Variants in CANT1 observed in about 807,000 individuals in gnomAD.
The protein encoded by CANT1 is calcium activated nucleotidase 1, also known as soluble calcium-activated nucleotidase 1.
A neutral mutation model predicts 30.0 loss-of-function variants in CANT1; 26 were observed. The observed-to-expected ratio is 0.87, with a 90% CI of 0.64 to 1.20. CANT1 has a LOEUF of 1.20. CANT1 is among the 50% of genes most tolerant of loss of function. The pLI is 0.00. For missense variants in CANT1, 518 were observed against 563.0 expected (o/e 0.92, Z 0.81); for synonymous variants, 246 against 251.8 (o/e 0.98, Z 0.22).
Position 78,996,711 on chromosome 17 carries a change from G to A in CANT1, c.631+281C>T, listed in dbSNP as rs1394872474. 2.6e-5 allele frequency among the ~76,000 whole-genome samples: 4 copies of A among 152,276 alleles called. No individual in the cohort carries two copies. The highest frequency in any genetic ancestry group is 5.9e-5 in the Non-Finnish European group (4 of 68,016). On this transcript the variant is annotated intron_variant, in intron 3 of 4. Coordinates refer to ENST00000392446, the MANE Select transcript of CANT1 (RefSeq NM_001159773.2). This position sits in a 1 kb window ranked among gnomAD's most constrained non-coding sequence, Gnocchi z 5.1. ...TCCCAGAGGCTCCGAGAGCAGCAGC[G>A]GATACAGCCGAAAACATCTTGGAGA... is the stretch of plus-strand genomic sequence containing the variant.
chr17:78,996,026 C>T lies in CANT1; in HGVS notation c.632-805G>A, dbSNP rs79090600. On this transcript the variant is annotated intron_variant, in intron 3 of 4. Coordinates refer to ENST00000392446, the MANE Select transcript of CANT1 (RefSeq NM_001159773.2). This position sits in a 1 kb window ranked among gnomAD's most constrained non-coding sequence, Gnocchi z 5.1. ...CCAGAGCTCCCTGTACCCCGCTTTC[C>T]TCCCTATCCAAGGGAAGGACAGAAC... is the stretch of plus-strand genomic sequence containing the variant. Among the ~76,000 whole-genome samples, 250 of 152,246 alleles carry T rather than the reference C, an allele frequency of 1.6e-3. 2 individuals carry two copies. In the East Asian group the frequency reaches 0.039, roughly 24 times the overall value.
rs555013288 is a variant in CANT1, at chr17:79,002,124, G to C, written c.-146-4161C>G. 6.6e-6 allele frequency among the ~76,000 whole-genome samples: 1 copy of C among 152,082 alleles called. No homozygotes were observed. Among genetic ancestry groups the C allele is most frequent in the Admixed American group, 6.5e-5 (1 of 15,278 alleles). On this transcript the variant is annotated intron_variant, in intron 1 of 4. Coordinates refer to ENST00000392446, the MANE Select transcript of CANT1 (RefSeq NM_001159773.2). This position sits in a 1 kb window ranked among gnomAD's most constrained non-coding sequence, Gnocchi z 4.0. Reference sequence around the variant, plus strand: ...CCAACATGTGGTCCAACACAAATTCGTAAACTTTCTTAAAACATGATGAGA... The same window carrying C: ...CCAACATGTGGTCCAACACAAATTCCTAAACTTTCTTAAAACATGATGAGA...
In CANT1 at chr17:78,997,064, C is replaced by T. The variant is rs748089228; in HGVS notation, c.559G>A (p.Val187Ile). The T allele has an allele frequency of 2.7e-5, 43 of 1,614,106 alleles. No homozygotes were observed. In the Admixed American group the frequency reaches 5.5e-4, roughly 21 times the overall value. The change falls in exon 3 of 5, where the codon GTC becomes ATC. Residue 187 changes from valine (V) to isoleucine (I), a missense_variant. Val to Ile is a conservative substitution (Grantham distance 29, BLOSUM62 3). Transcript: ENST00000392446. This position sits in a 1 kb window ranked among gnomAD's most constrained non-coding sequence, Gnocchi z 7.5. ...LYSVDDRTGV[V>I]YQIEGSKAVP... ...GCTTTGCTGCCTTCGATCTGGTAGA[C>T]GACCCCCGTCCGGTCATCCACGGAG...
chr17:79,000,881 G>A (rs2071234078), intron 1 of CANT1, among the ~76,000 whole-genome samples: 1 of 152,210 alleles, frequency 6.6e-6, no homozygotes, highest in South Asian at 2.1e-4. Flanking sequence ...CTGGGGCAGG[G>A]ATCTGGCCAC....
chr17:78,997,137 C>T lies in CANT1; in HGVS notation c.486G>A (p.Gly162=), dbSNP rs755233095. ...TCAGGTCGGATAGCTCCATGCCTCT[C>T]CCCTTCTCCGCCAGGTGGGACTCCA... ...GVLESHLAEK[G]RGMELSDLIV... is the part of the protein sequence containing the mutation. Residue 162 remains glycine (G), a synonymous_variant, in exon 3 of 5, where the codon GGG becomes GGA. Coordinates refer to ENST00000392446, the MANE Select transcript of CANT1 (RefSeq NM_001159773.2). This position sits in a 1 kb window ranked among gnomAD's most constrained non-coding sequence, Gnocchi z 7.5. The T allele has an allele frequency of 1.9e-6, 3 of 1,614,208 alleles. No homozygotes were observed. In the Admixed American group the frequency reaches 5.0e-5, roughly 27 times the overall value.
rs1018320884 is a variant in CANT1 at position 79,008,340 on chromosome 17, G to A, written c.-147+1324C>T. Among the ~76,000 whole-genome samples, 1 of 152,242 alleles carries A rather than the reference G, an allele frequency of 6.6e-6. No individual in the cohort carries two copies. Among genetic ancestry groups the A allele is most frequent in the Admixed American group, 6.5e-5 (1 of 15,294 alleles). On this transcript the variant is annotated intron_variant, in intron 1 of 4. Transcript: ENST00000392446. This position sits in a 1 kb window ranked among gnomAD's most constrained non-coding sequence, Gnocchi z 4.4. Reference sequence around the variant, plus strand: ...ACCTTTCTCAGCAAAGCTCCTCAGAGGGAGAGGGAGGAAGAGCTGGGAGAT... The same window carrying A: ...ACCTTTCTCAGCAAAGCTCCTCAGAAGGAGAGGGAGGAAGAGCTGGGAGAT...
rs921727769 is a variant in CANT1 at position 78,995,296 on chromosome 17, C to G, written c.632-75G>C. On this transcript the variant is annotated intron_variant, in intron 3 of 4. Coordinates refer to ENST00000392446, the MANE Select transcript of CANT1 (RefSeq NM_001159773.2). The surrounding 1 kb of genome is among the most constrained non-coding windows in gnomAD (Gnocchi z 5.7). Reference sequence around the variant, plus strand: ...CCTGCACCTGGCTCCCACCCGGCCCCGCACCTGTCCTTAGACCCCGCACCT... The same window carrying G: ...CCTGCACCTGGCTCCCACCCGGCCCGGCACCTGTCCTTAGACCCCGCACCT... 13 of 1,481,630 alleles carry G rather than the reference C, an allele frequency of 8.8e-6. No homozygotes were observed. In the East Asian group the frequency reaches 3.0e-4, roughly 34 times the overall value. The allele number at this position is 1,481,630 out of a possible 1,614,324, so 91.8% of individuals were successfully genotyped here.
chr17:78,997,400 G>T lies in CANT1; in HGVS notation c.223C>A (p.His75Asn). 1.2e-6 allele frequency: 2 copies of T among 1,612,222 alleles called. No individual in the cohort carries two copies. Among genetic ancestry groups the T allele is most frequent in the Non-Finnish European group, 1.7e-6 (2 of 1,178,850 alleles). ...GGCGCCTGGCCGAGCCTCCAGTTGT[G>T]TGCATTGTGGGTGGGGGGCCTGCCG... Reference protein sequence around the residue: ...APGRPPTHNAHNWRLGQAPAN... With the variant: ...APGRPPTHNANNWRLGQAPAN... The change falls in exon 3 of 5, where the codon CAC becomes AAC. Residue 75 changes from histidine to asparagine, a missense_variant. This residue lies in a region of CANT1 where 249 missense variants were observed against 268.8 expected (regional missense o/e 0.93). Transcript: ENST00000392446. The surrounding 1 kb of genome is among the most constrained non-coding windows in gnomAD (Gnocchi z 7.5).
At chr17:79,001,386 C>A (rs939691925) in intron 1 of CANT1, among the ~76,000 whole-genome samples, 4 of 152,176 alleles carry the variant, frequency 2.6e-5, no homozygotes, top group African/African-American at 9.7e-5. Flanking sequence ...AGCCGCCGGG[C>A]ACCTGCTCTT....
At position 78,992,033 on chromosome 17, in the gene CANT1, C is replaced by T. The variant is rs760876325; in HGVS notation, c.*1517G>A. The T allele has an allele frequency of 3.9e-5, 9 of 231,654 alleles. No individual in the cohort carries two copies. The highest frequency in any genetic ancestry group is 6.1e-5 in the East Asian group (1 of 16,430). 14.3% of individuals were successfully genotyped at this position (231,654 alleles called of 1,614,324 possible). On this transcript the variant is annotated 3_prime_UTR_variant, in exon 5 of 5. Transcript: ENST00000392446. ...CTAGGAGGCGGGTCAAGGAGACAGC[C>T]AGGCAAAGTCAGAACAGACTTGGGG...
At position 78,993,747 on chromosome 17, in the gene CANT1, C is replaced by T; in HGVS notation, c.1009G>A (p.Ala337Thr). The T allele has an allele frequency of 1.2e-6, 2 of 1,613,832 alleles. No individual in the cohort carries two copies. Among genetic ancestry groups the T allele is most frequent in the African/African-American group, 2.7e-5 (2 of 75,080 alleles). ...FGDIAVSHVG[A>T]VVPTHGFSSF... ...GAGAAGCCGTGAGTGGGGACCACCG[C>T]CCCGACGTGGCTCACAGCGATGTCG... The change falls in exon 5 of 5, where the codon GCG (alanine) becomes ACG (threonine). Residue 337 changes from alanine (A) to threonine (T), a missense_variant. Transcript: ENST00000392446. The surrounding 1 kb of genome is among the most constrained non-coding windows in gnomAD (Gnocchi z 4.5).
In CANT1 at chr17:78,997,347, G is replaced by A; in HGVS notation, c.276C>T (p.Pro92=). ...CCGGTGTCCTTTGTGGGGGAGACAGGGGGTAGGTGTCATTGTACCAGTTGG... is the reference window on the plus strand; with the variant it reads ...CCGGTGTCCTTTGTGGGGGAGACAGAGGGTAGGTGTCATTGTACCAGTTGG... The part of the protein sequence containing the change: ...APANWYNDTY[P]LSPPQRTPAG... Residue 92 remains proline (P), a synonymous_variant, in exon 3 of 5, where the codon CCC becomes CCT. Coordinates refer to ENST00000392446, the MANE Select transcript of CANT1 (RefSeq NM_001159773.2). The surrounding 1 kb of genome is among the most constrained non-coding windows in gnomAD (Gnocchi z 7.5). 1.9e-6 allele frequency: 3 copies of A among 1,614,120 alleles called. No homozygotes were observed. The highest frequency in any genetic ancestry group is 1.1e-5 in the South Asian group (1 of 91,086).
Position 78,996,993 on chromosome 17 carries a change from T to C in CANT1, c.630A>G (p.Lys210=), listed in dbSNP as rs768766247. ...ILSDGDGTVE[K]GFKAEWLAVK... is the part of the protein sequence containing the mutation. ...CATAAAACCTCAGGGTCCAGTTACC[T>C]TTCTCCACGGTGCCGTCGCCGTCGG... The change falls in exon 3 of 5, where the codon AAA becomes AAG. Residue 210 remains lysine (K), a splice_region_variant and synonymous_variant. Coordinates refer to ENST00000392446, the MANE Select transcript of CANT1 (RefSeq NM_001159773.2). The surrounding 1 kb of genome is among the most constrained non-coding windows in gnomAD (Gnocchi z 5.1). 1.5e-5 allele frequency: 25 copies of C among 1,613,896 alleles called. No homozygotes were observed. Among genetic ancestry groups the C allele is most frequent in the Middle Eastern group, 1.6e-4 (1 of 6,084 alleles).
At position 78,997,504 on chromosome 17, in the gene CANT1, C is replaced by A. The variant is rs375819727; in HGVS notation, c.119G>T (p.Arg40Leu). 3 of 1,575,062 alleles carry A rather than the reference C, an allele frequency of 1.9e-6. No homozygotes were observed. The highest frequency in any genetic ancestry group is 2.6e-6 in the Non-Finnish European group (3 of 1,158,962). Residue 40 changes from arginine (R) to leucine (L), a missense_variant, in exon 3 of 5, where the codon CGC becomes CTC. By Grantham distance (102) the Arg-to-Leu change is moderately radical (BLOSUM62 -2). Transcript: ENST00000392446. The surrounding 1 kb of genome is among the most constrained non-coding windows in gnomAD (Gnocchi z 7.5). The stretch of plus-strand genomic sequence containing the variant: ...CGTCAGGATCACCTTCCAGCGGGGG[C>A]GGAAGCGGGGGTCCGCGGCCTTGGT... ...SMTKAADPRF[R>L]PRWKVILTFF...
At chr17:79,005,159 AGGAGTTAAGGAGAGGGGAGTTAGGGAAG>A (rs2071490730) in intron 1 of CANT1, among the ~76,000 whole-genome samples, 1 of 31,134 alleles carries the variant, frequency 3.2e-5, no homozygotes, top group Non-Finnish European at 5.2e-5. Context: ...AGTTAGGGAG[AGGAGTTAAGGAGAGGGGAGTTAGGGAAG>A]GGAGTTAGGG....
rs945965861 is a variant in CANT1 at position 79,009,162 on chromosome 17, G to T, written c.-147+502C>A. On this transcript the variant is annotated intron_variant, in intron 1 of 4. Coordinates refer to ENST00000392446, the MANE Select transcript of CANT1 (RefSeq NM_001159773.2). Reference sequence around the variant, plus strand: ...AACCAGAGGGGGAGGTGCCCCACATGAATCAGAGGGGGGTGGTCCCCACAC... The same window carrying T: ...AACCAGAGGGGGAGGTGCCCCACATTAATCAGAGGGGGGTGGTCCCCACAC... Among the ~76,000 whole-genome samples, 113 of 148,316 alleles carry T rather than the reference G, an allele frequency of 7.6e-4. 1 individual carries two copies. Among genetic ancestry groups the T allele is most frequent in the Non-Finnish European group, 4.2e-4 (28 of 67,060 alleles).
In CANT1 at chr17:78,996,219, C is replaced by T. The variant is rs947494393; in HGVS notation, c.631+773G>A. Among the ~76,000 whole-genome samples the T allele has an allele frequency of 2.0e-5, 3 of 152,144 alleles. No individual in the cohort carries two copies. The highest frequency in any genetic ancestry group is 4.4e-5 in the Non-Finnish European group (3 of 68,014). On this transcript the variant is annotated intron_variant, in intron 3 of 4. Transcript: ENST00000392446. The surrounding 1 kb of genome is among the most constrained non-coding windows in gnomAD (Gnocchi z 5.1). ...CTGGCCGGCCATGAACTGTGTGGGC[C>T]GTTGTTTAGTGCAGTTCCTCCTTGA...
chr17:78,997,762 C>T lies in CANT1; in HGVS notation c.-23+78G>A. ...TTCCAGAAGAAACAGTATTTCACTA[C>T]TCTGTGGCCATTCTTACTCCCTTGG... On this transcript the variant is annotated intron_variant, in intron 2 of 4. Coordinates refer to ENST00000392446, the MANE Select transcript of CANT1 (RefSeq NM_001159773.2). This position sits in a 1 kb window ranked among gnomAD's most constrained non-coding sequence, Gnocchi z 7.5. 1 of 845,862 alleles carries T rather than the reference C, an allele frequency of 1.2e-6. No individual in the cohort carries two copies. The highest frequency in any genetic ancestry group is 1.8e-6 in the Non-Finnish European group (1 of 570,666). The allele number at this position is 845,862 out of a possible 1,614,324, so 52.4% of individuals were successfully genotyped here.
chr17:78,995,417 C>CAGGAG lies in CANT1; in HGVS notation c.632-197_632-196insCTCCT, dbSNP rs2071004247. On this transcript the variant is annotated intron_variant, in intron 3 of 4. Transcript: ENST00000392446. The surrounding 1 kb of genome is among the most constrained non-coding windows in gnomAD (Gnocchi z 5.7). ...GCCCTCCCCTCAGCTCCTGAAGGTT[C>CAGGAG]AGTGACCACTCTCAAGTCTCCTCTG... Among the ~76,000 whole-genome samples the CAGGAG allele has an allele frequency of 6.6e-6, 1 of 152,206 alleles. No homozygotes were observed. Among genetic ancestry groups the CAGGAG allele is most frequent in the African/African-American group, 2.4e-5 (1 of 41,446 alleles).
Sources: gnomAD v4.1 joint callset for allele counts (sites outside exome capture counted in the v4.1 genomes callset) on GRCh38, gnomAD v4.1.1 for gene constraint, gnomAD v4.1.1 regional missense constraint, Gnocchi (gnomAD v3.1) non-coding constraint, MANE v1.5 for transcripts, NCBI Gene and HGNC (gene_info 2026-07-23, HGNC 2026-07-21) for gene names.